GPC1: variants seen among roughly 807,000 people sequenced by gnomAD.
GPC1 encodes the protein glypican 1, also known as glypican-1.
In GPC1, 26 loss-of-function variants were observed where a neutral mutation model predicts 51.5. The ratio of observed to expected loss-of-function variants is 0.50; its 90% CI spans 0.37 to 0.70. GPC1 has a LOEUF of 0.70. Ranked by LOEUF, GPC1 falls within the 30% of genes least tolerant of loss-of-function variation. The probability of loss-of-function intolerance (pLI) is 0.00; values close to 1 mark genes in which losing one functional copy is unlikely to be tolerated. For synonymous variants in GPC1, 380 were observed against 348.3 expected (o/e 1.09, Z -1.01); for missense variants, 775 against 800.5 (o/e 0.97, Z 0.38).
chr2:240,457,698 G>C (rs895246170), intron 1 of GPC1, among the ~76,000 whole-genome samples: 1 of 152,136 alleles, frequency 6.6e-6, no homozygotes. Context: ...GCCTCTGCCC[G>C]GGCTGACCCC....
chr2:240,438,633 G>C (rs111671022), intron 1 of GPC1, among the ~76,000 whole-genome samples: 1 of 152,228 alleles, frequency 6.6e-6, no homozygotes, highest in Admixed American at 6.5e-5. Context: ...ATACTTCCTC[G>C]TGGGAAGGAG....
chr2:240,438,515 C>T (rs2073997890), intron 1 of GPC1, among the ~76,000 whole-genome samples: 1 of 152,172 alleles, frequency 6.6e-6, no homozygotes, highest in Non-Finnish European at 1.5e-5. Context: ...CATTCTCAGT[C>T]CCCTCTCTCC....
intron 7 of GPC1, 126 bp downstream of exon 7, chr2:240,465,336 G>T: frequency 1.5e-6 from 2 of 1,332,664 alleles, no homozygotes; most frequent in Non-Finnish European, 2.1e-6. Context: ...ACTTCTCTGC[G>T]GCCTGTGTGG....
chr2:240,465,548 G>A lies in GPC1; in HGVS notation c.1344G>A (p.Lys448=), dbSNP rs1430322966. 8 of 1,613,216 alleles carry A rather than the reference G, an allele frequency of 5.0e-6. No homozygotes were observed. The highest frequency in any genetic ancestry group is 5.9e-6 in the Non-Finnish European group (7 of 1,180,012). Residue 448 remains lysine, a synonymous_variant, in exon 8 of 9, where the codon AAG becomes AAA. Transcript: ENST00000264039. The part of the protein sequence containing the change: ...NNPEVEVDIT[K]PDMTIRQQIM... ...CCGAGGTGGAGGTGGACATCACCAAGCCGGACATGACCATCCGGCAGCAGA... is the reference window on the plus strand; with the variant it reads ...CCGAGGTGGAGGTGGACATCACCAAACCGGACATGACCATCCGGCAGCAGA...
chr2:240,454,119 G>A (rs2074133451), intron 1 of GPC1, among the ~76,000 whole-genome samples: 1 of 152,140 alleles, frequency 6.6e-6, no homozygotes, highest in African/African-American at 2.4e-5. Flanking sequence ...GCACGATGGG[G>A]TGAGTCTGGG....
intron 3 of GPC1, among the ~76,000 whole-genome samples, chr2:240,463,080 C>T (rs561356558): frequency 3.3e-5 from 5 of 152,292 alleles, no homozygotes; most frequent in African/African-American, 1.2e-4. Context: ...CACCTCCAGG[C>T]TCCTGGGCAA....
At chr2:240,456,242 G>T (rs1425086146) in intron 1 of GPC1, among the ~76,000 whole-genome samples, 2 of 152,170 alleles carry the variant, frequency 1.3e-5, no homozygotes, top group East Asian at 3.9e-4. Flanking sequence ...CTGCAGGTGG[G>T]GGGAGCTCCC....
intron 2 of GPC1, among the ~76,000 whole-genome samples, chr2:240,461,409 G>C (rs1016131828): frequency 6.6e-6 from 1 of 152,216 alleles, no homozygotes; most frequent in Non-Finnish European, 1.5e-5. Flanking sequence ...GGGACGCTCT[G>C]AGCAGTTACA....
chr2:240,457,578 T>C, intron 1 of GPC1: 1 of 426,910 alleles, frequency 2.3e-6, no homozygotes, highest in South Asian at 1.7e-5. Flanking sequence ...GGTAGGGCAC[T>C]GCCTGCGCTG....
At chr2:240,451,528 C>T (rs1349323093) in intron 1 of GPC1, 1 of 297,846 alleles carries the variant, frequency 3.4e-6, no homozygotes, top group Admixed American at 5.0e-5. Flanking sequence ...GTGCCCTCTT[C>T]AGCTCCACCA....
intron 1 of GPC1, among the ~76,000 whole-genome samples, chr2:240,439,101 G>A (rs2074002075): frequency 6.6e-6 from 1 of 152,236 alleles, no homozygotes; most frequent in East Asian, 1.9e-4. Flanking sequence ...GATGTGATGT[G>A]ATGTGTGTCT....
intron 1 of GPC1, among the ~76,000 whole-genome samples, chr2:240,443,859 G>A (rs2074033088): frequency 6.6e-6 from 1 of 152,230 alleles, no homozygotes; most frequent in South Asian, 2.1e-4. Flanking sequence ...TTGCAGATGG[G>A]AAAGCTGAGT....
chr2:240,463,638 C>T (rs1377448804), intron 4 of GPC1, 126 bp downstream of exon 4: 34 of 758,358 alleles, frequency 4.5e-5, no homozygotes, highest in Middle Eastern at 3.5e-4. Flanking sequence ...TGCCCTGACC[C>T]GGGCCAGATC....
chr2:240,450,984 G>A (rs1366822485), intron 1 of GPC1: 2 of 408,688 alleles, frequency 4.9e-6, no homozygotes, highest in Non-Finnish European at 1.0e-5. Flanking sequence ...AGCTGGGTGG[G>A]GTGACTGGGT....
chr2:240,447,946 C>T (rs180796772), intron 1 of GPC1, among the ~76,000 whole-genome samples: 1 of 152,214 alleles, frequency 6.6e-6, no homozygotes, highest in Non-Finnish European at 1.5e-5. Flanking sequence ...GCTCACAGCA[C>T]GCAGTGTCGG....
intron 4 of GPC1, 81 bp from the exon 5 acceptor site, chr2:240,464,535 G>C: frequency 7.4e-7 from 1 of 1,344,394 alleles, no homozygotes; most frequent in Non-Finnish European, 1.1e-6. Flanking sequence ...ACATGCACAC[G>C]TGGTGACGCC....
chr2:240,449,824 C>T (rs2151789067), intron 1 of GPC1: 1 of 469,616 alleles, frequency 2.1e-6, no homozygotes, highest in Admixed American at 2.3e-5. Context: ...TCGTGTCTGG[C>T]TTCTTTCACT....
At chr2:240,450,821 G>T in intron 1 of GPC1, 2 of 467,770 alleles carry the variant, frequency 4.3e-6, no homozygotes, top group South Asian at 3.1e-5. Flanking sequence ...TGGGTGCCAG[G>T]TAGGGAGGCA....
intron 1 of GPC1, among the ~76,000 whole-genome samples, chr2:240,439,178 C>T (rs902636575): frequency 2.0e-5 from 3 of 152,148 alleles, no homozygotes; most frequent in African/African-American, 4.8e-5. Flanking sequence ...GCTGGGACCA[C>T]CTCTAACTGT....
Sources: allele counts gnomAD v4.1 joint callset (sites outside exome capture counted in the v4.1 genomes callset), GRCh38; gene constraint gnomAD v4.1.1; transcripts MANE v1.5; gene names NCBI Gene and HGNC (gene_info 2026-07-23, HGNC 2026-07-21).